Variants in CD226 observed in about 807,000 individuals in gnomAD.
CD226 encodes the protein CD226 antigen.
CD226 carries 24 observed loss-of-function variants against 34.9 expected under a neutral mutation model. That is an observed-to-expected ratio of 0.69 (90% CI 0.50 to 0.97). The LOEUF is 0.97. Ranked by LOEUF, CD226 falls within the 50% of genes least tolerant of loss-of-function variation. The pLI is 0.00. For synonymous variants in CD226, 148 were observed against 147.4 expected (o/e 1.00, Z -0.03); for missense variants, 397 against 412.7 (o/e 0.96, Z 0.33).
intron 2 of CD226, among the ~76,000 whole-genome samples, chr18:69,917,844 G>A (rs949473452): frequency 6.6e-6 from 1 of 152,188 alleles, no homozygotes; most frequent in Non-Finnish European, 1.5e-5. Context: ...TGTTGATTAT[G>A]CTTTGAGATC....
chr18:69,946,272 GA>G (rs1293183357), intron 2 of CD226, among the ~76,000 whole-genome samples: 1 of 145,782 alleles, frequency 6.9e-6, no homozygotes, highest in Non-Finnish European at 1.5e-5. Flanking sequence ...GAGAGAGAAA[GA>G]AAGAAAGAGA....
chr18:69,943,442 T>C (rs1371640104), intron 2 of CD226, among the ~76,000 whole-genome samples: 1 of 152,246 alleles, frequency 6.6e-6, no homozygotes, highest in Non-Finnish European at 1.5e-5. Context: ...ATTCTTACCA[T>C]CAGAGTCTCT....
At chr18:69,955,884 A>AAAAT (rs10659202) in intron 1 of CD226, among the ~76,000 whole-genome samples, 2 of 150,502 alleles carry the variant, frequency 1.3e-5, no homozygotes, top group African/African-American at 2.5e-5. Flanking sequence ...AAAAAAAAAA[A>AAAAT]TTTCCTCAGG....
At chr18:69,875,928 C>T (rs571850504) in intron 3 of CD226, among the ~76,000 whole-genome samples, 7 of 152,204 alleles carry the variant, frequency 4.6e-5, no homozygotes, top group Admixed American at 1.3e-4. Flanking sequence ...GATAGGGAGA[C>T]GCTGGCTAAA....
At chr18:69,869,799 C>CTTTTTTTTTTT (rs1002754140) in intron 4 of CD226, among the ~76,000 whole-genome samples, 10 of 121,686 alleles carry the variant, frequency 8.2e-5, no homozygotes, top group East Asian at 2.4e-4. Context: ...TCTTTTTTTT[C>CTTTTTTTTTTT]TTTTTTTTTT....
intron 3 of CD226, among the ~76,000 whole-genome samples, chr18:69,881,643 G>A (rs1359464637): frequency 1.3e-5 from 2 of 152,170 alleles, no homozygotes; most frequent in Non-Finnish European, 2.9e-5. Context: ...CATTCCAAAT[G>A]AGGGTTAATC....
chr18:69,929,713 A>G (rs1261665680), intron 2 of CD226, among the ~76,000 whole-genome samples: 1 of 152,150 alleles, frequency 6.6e-6, no homozygotes, highest in African/African-American at 2.4e-5. Context: ...GGATGTCTAA[A>G]CCTAAACGAT....
chr18:69,907,443 G>T (rs1005333648), intron 2 of CD226, among the ~76,000 whole-genome samples: 1 of 152,154 alleles, frequency 6.6e-6, no homozygotes, highest in African/African-American at 2.4e-5. Context: ...GAGTAACTGG[G>T]ATTACAGGCA....
rs1983512516 is a variant in CD226, at chr18:69,871,381, G to A, written c.830+1763C>T. 4.6e-5 allele frequency among the ~76,000 whole-genome samples: 7 copies of A among 152,314 alleles called. No individual in the cohort carries two copies. In the Middle Eastern group the frequency reaches 0.01, roughly 222 times the overall value. ...CTGACCTCCTGTTTTAGTTTAATTA[G>A]ACAAATGTTTATTGAGCATTCATTA... is the stretch of plus-strand genomic sequence containing the variant. On this transcript the variant is annotated intron_variant, in intron 4 of 5. Transcript: ENST00000582621.
intron 2 of CD226, among the ~76,000 whole-genome samples, chr18:69,911,538 C>T (rs1373744939): frequency 6.6e-6 from 1 of 152,064 alleles, no homozygotes; most frequent in Non-Finnish European, 1.5e-5. Context: ...ACAACTGATG[C>T]GGCCAGGCAC....
upstream of CD226, among the ~76,000 whole-genome samples, chr18:69,959,853 T>C (rs1013725495): frequency 6.6e-6 from 1 of 152,046 alleles, no homozygotes; most frequent in African/African-American, 2.4e-5. Context: ...CCCAACACGA[T>C]GCAGCAGGAA....
At chr18:69,955,906 C>T (rs1169699052) in intron 1 of CD226, among the ~76,000 whole-genome samples, 4 of 148,432 alleles carry the variant, frequency 2.7e-5, no homozygotes, top group Non-Finnish European at 6.0e-5. Context: ...ACACAATAGT[C>T]TGGGTTTCTG....
At chr18:69,933,457 A>G (rs986235021) in intron 2 of CD226, among the ~76,000 whole-genome samples, 1 of 152,072 alleles carries the variant, frequency 6.6e-6, no homozygotes, top group African/African-American at 2.4e-5. Context: ...AATTACACCT[A>G]TATTTCCAGG....
At position 69,895,756 on chromosome 18, in the gene CD226, C is replaced by A. The variant is rs1277469237; in HGVS notation, c.672G>T (p.Leu224Phe). Residue 224 changes from leucine (L) to phenylalanine (F), a missense_variant, in exon 3 of 6, where the codon TTG (leucine) becomes TTT (phenylalanine). Leu to Phe is a conservative substitution (Grantham distance 22). Coordinates refer to ENST00000582621, the MANE Select transcript of CD226 (RefSeq NM_001303618.2). Reference sequence around the variant, plus strand: ...TTTCGTTTTCTCCTGCGCTGGCCTGCAAGTAGCAGCGGTAAAGCCCCGAGT... The same window carrying A: ...TTTCGTTTTCTCCTGCGCTGGCCTGAAAGTAGCAGCGGTAAAGCCCCGAGT... ...VSDSGLYRCY[L>F]QASAGENETF... 4 of 1,614,136 alleles carry A rather than the reference C, an allele frequency of 2.5e-6. No individual in the cohort carries two copies. Among genetic ancestry groups the A allele is most frequent in the South Asian group, 1.1e-5 (1 of 91,078 alleles).
chr18:69,895,918 G>C lies in CD226; in HGVS notation c.510C>G (p.Pro170=), dbSNP rs757759542. 1 of 1,614,008 alleles carries C rather than the reference G, an allele frequency of 6.2e-7. No homozygotes were observed. The highest frequency in any genetic ancestry group is 8.5e-7 in the Non-Finnish European group (1 of 1,180,034). The change falls in exon 3 of 6, where the codon CCC becomes CCG. Residue 170 remains proline (P), a synonymous_variant. Coordinates refer to ENST00000582621, the MANE Select transcript of CD226 (RefSeq NM_001303618.2). ...VQAVRWEKIQ[P]RQIDLLTYCN... Reference sequence around the variant, plus strand: ...AGTAAGTTAAGAGGTCGATCTGACGGGGCTGGATCTTTTCCCACCTCACTG... The same window carrying C: ...AGTAAGTTAAGAGGTCGATCTGACGCGGCTGGATCTTTTCCCACCTCACTG...
At chr18:69,913,419 G>A (rs2055350012) in intron 2 of CD226, among the ~76,000 whole-genome samples, 2 of 152,278 alleles carry the variant, frequency 1.3e-5, no homozygotes, top group South Asian at 4.2e-4. Context: ...GTGAGAAAAG[G>A]ACAGGTCTGT....
intron 3 of CD226, among the ~76,000 whole-genome samples, chr18:69,888,209 G>A (rs943152375): frequency 6.6e-6 from 1 of 152,022 alleles, no homozygotes; most frequent in African/African-American, 2.4e-5. Flanking sequence ...TTTTCTACTT[G>A]CTTTTGGAGA....
At chr18:69,950,491 T>C (rs1172753290), upstream of CD226, among the ~76,000 whole-genome samples, 1 of 152,138 alleles carries the variant, frequency 6.6e-6, no homozygotes, top group Non-Finnish European at 1.5e-5. Context: ...TGGCTGGGGC[T>C]GCAGCCAAGC....
chr18:69,920,572 G>GA (rs1568193520), intron 2 of CD226, among the ~76,000 whole-genome samples: 1 of 151,976 alleles, frequency 6.6e-6, no homozygotes, highest in African/African-American at 2.4e-5. Flanking sequence ...CTCCTCAAAA[G>GA]AAAAATAACT....
Sources: allele counts gnomAD v4.1 joint callset (sites outside exome capture counted in the v4.1 genomes callset), GRCh38; gene constraint gnomAD v4.1.1; transcripts MANE v1.5; gene names NCBI Gene and HGNC (gene_info 2026-07-23, HGNC 2026-07-21).